The following ZNF74 variants were observed in gnomAD, a reference collection of about 807,000 sequenced individuals.
ZNF74 encodes the protein zinc finger protein 74, also known as zinc finger protein 520.
In ZNF74, 12 loss-of-function variants were observed where a neutral mutation model predicts 17.7. The observed-to-expected ratio is 0.68, with a 90% CI of 0.43 to 1.10. The LOEUF is 1.10. Ranked by LOEUF, ZNF74 falls within the 50% of genes least tolerant of loss-of-function variation. ZNF74 has a pLI of 0.00. For synonymous variants in ZNF74, 358 were observed against 362.1 expected (o/e 0.99, Z 0.13); for missense variants, 811 against 881.0 (o/e 0.92, Z 1.01).
At chr22:20,403,395 C>T (rs1012103644) in intron 4 of ZNF74, among the ~76,000 whole-genome samples, 2 of 151,664 alleles carry the variant, frequency 1.3e-5, no homozygotes, top group Non-Finnish European at 2.9e-5. Context: ...TCATCCTCTC[C>T]CCCATTTCCT....
At position 20,401,954 on chromosome 22, in the gene ZNF74, C is replaced by T. The variant is rs1423024443; in HGVS notation, c.343+582C>T. On this transcript the variant is annotated intron_variant, in intron 4 of 4. Transcript: ENST00000400451. The surrounding 1 kb of genome is among the most constrained non-coding windows in gnomAD (Gnocchi z 4.2). ...GGCTTCCAGGCTGTGGCCAAGATGG[C>T]AGCCCTCCGTAAGGGAAAGGGGACT... Among the ~76,000 whole-genome samples, 5 of 152,154 alleles carry T rather than the reference C, an allele frequency of 3.3e-5. No homozygotes were observed. In the East Asian group the frequency reaches 9.6e-4, roughly 29 times the overall value.
chr22:20,402,801 C>CA (rs361884), intron 4 of ZNF74, among the ~76,000 whole-genome samples: 35,168 of 107,260 alleles, frequency 0.33, 6,212 homozygotes, highest in Non-Finnish European at 0.43. Flanking sequence ...AATTCCATCT[C>CA]AAAAAAAAAA....
rs2052362003 is a variant in ZNF74, at chr22:20,401,854, ATCAGCGTCAGGG to A, written c.343+487_343+498del. On this transcript the variant is annotated intron_variant, in intron 4 of 4. Coordinates refer to ENST00000400451, the MANE Select transcript of ZNF74 (RefSeq NM_003426.4). This position sits in a 1 kb window ranked among gnomAD's most constrained non-coding sequence, Gnocchi z 4.2. ...TGTGAGCATCAGTGTCAGGGCCATC[ATCAGCGTCAGGG>A]TCAGAGTCAGCATCAGCATTAGGGT... Among the ~76,000 whole-genome samples the A allele has an allele frequency of 6.6e-6, 1 of 151,852 alleles. No homozygotes were observed. The highest frequency in any genetic ancestry group is 1.5e-5 in the Non-Finnish European group (1 of 67,976).
intron 2 of ZNF74, 31 bp downstream of exon 2, chr22:20,395,449 G>A (rs2052282243): frequency 6.4e-7 from 1 of 1,550,520 alleles, no homozygotes; most frequent in Non-Finnish European, 8.9e-7. Context: ...CCTTCTTTAT[G>A]AAGAGGGTTG....
rs2052440021 is a variant in ZNF74 at position 20,406,976 on chromosome 22, T to C, written c.*8T>C. ...AGCAAACCTCGAAACTAACATGATG[T>C]GCTTTGGTGTCAGTAGCTGCTTTCT... On this transcript the variant is annotated 3_prime_UTR_variant, in exon 5 of 5. Coordinates refer to ENST00000400451, the MANE Select transcript of ZNF74 (RefSeq NM_003426.4). The C allele has an allele frequency of 6.2e-7, 1 of 1,603,812 alleles. No individual in the cohort carries two copies. The highest frequency in any genetic ancestry group is 1.3e-5 in the African/African-American group (1 of 74,794).
At chr22:20,397,029 A>G (rs2052302127) in intron 2 of ZNF74, among the ~76,000 whole-genome samples, 1 of 152,018 alleles carries the variant, frequency 6.6e-6, no homozygotes, top group South Asian at 2.1e-4. Flanking sequence ...CTCACTGGCC[A>G]ACACCATATT....
chr22:20,406,685 C>G lies in ZNF74; in HGVS notation c.1652C>G (p.Ser551Cys), dbSNP rs758649219. The G allele has an allele frequency of 1.5e-5, 24 of 1,614,086 alleles. No homozygotes were observed. Among genetic ancestry groups the G allele is most frequent in the Middle Eastern group, 3.3e-4 (2 of 6,084 alleles). ...CTCATTAAACATCAGAAAATCCACTCCGGGGAGAAGTCGTTTAAGTGTGAG... is the reference window on the plus strand; with the variant it reads ...CTCATTAAACATCAGAAAATCCACTGCGGGGAGAAGTCGTTTAAGTGTGAG... Reference protein sequence around the residue: ...HCLIKHQKIHSGEKSFKCEKC... With the variant: ...HCLIKHQKIHCGEKSFKCEKC... Residue 551 changes from serine to cysteine, a missense_variant, in exon 5 of 5, where the codon TCC becomes TGC. By Grantham distance (112) the Ser-to-Cys change is moderately radical. Around this residue, in one of 3 missense-constraint regions of ZNF74, gnomAD observed 115 missense variants for 119.5 expected, o/e 0.96. Coordinates refer to ENST00000400451, the MANE Select transcript of ZNF74 (RefSeq NM_003426.4).
rs754184606 is a variant in ZNF74, at chr22:20,406,498, G to A, written c.1465G>A (p.Val489Met). ...KAFSSHAYLIVHRRIHTGEKP... is the reference protein window; with the variant it reads ...KAFSSHAYLIMHRRIHTGEKP... ...CTTCAGCTCCCACGCCTACCTCATC[G>A]TGCACCGGCGCATCCACACAGGCGA... is the stretch of plus-strand genomic sequence containing the variant. Residue 489 changes from valine to methionine, a missense_variant, in exon 5 of 5, where the codon GTG (valine) becomes ATG (methionine). Val to Met is a conservative substitution (Grantham distance 21). This residue lies in a region of ZNF74 where 666 missense variants were observed against 702.3 expected (regional missense o/e 0.95). Coordinates refer to ENST00000400451, the MANE Select transcript of ZNF74 (RefSeq NM_003426.4). 1 of 1,611,278 alleles carries A rather than the reference G, an allele frequency of 6.2e-7. No homozygotes were observed. Among genetic ancestry groups the A allele is most frequent in the Non-Finnish European group, 8.5e-7 (1 of 1,179,316 alleles).
chr22:20,397,445 G>A (rs1223581747), intron 2 of ZNF74, among the ~76,000 whole-genome samples: 3 of 152,164 alleles, frequency 2.0e-5, no homozygotes, highest in Admixed American at 6.5e-5. Flanking sequence ...AATTTGATGA[G>A]GTTGAGCAAA....
intron 2 of ZNF74, chr22:20,399,501 C>T: frequency 3.5e-6 from 1 of 282,808 alleles, no homozygotes; most frequent in South Asian, 2.9e-5. Flanking sequence ...TGACAATCTC[C>T]ACCTTTTAAT....
intron 2 of ZNF74, among the ~76,000 whole-genome samples, chr22:20,396,481 G>A (rs1385581161): frequency 1.3e-5 from 2 of 151,962 alleles, no homozygotes; most frequent in African/African-American, 2.4e-5. Flanking sequence ...CTGTGATTAT[G>A]TAAGAGAATA....
In ZNF74 at chr22:20,405,479, G is replaced by T. The variant is rs370353600; in HGVS notation, c.446G>T (p.Trp149Leu). The T allele has an allele frequency of 2.4e-5, 39 of 1,608,924 alleles. No individual in the cohort carries two copies. The highest frequency in any genetic ancestry group is 3.1e-5 in the Non-Finnish European group (37 of 1,178,502). Residue 149 changes from tryptophan (W) to leucine (L), a missense_variant, in exon 5 of 5, where the codon TGG becomes TTG. By Grantham distance (61) the Trp-to-Leu change is moderately conservative (BLOSUM62 -2). Transcript: ENST00000400451. ...CGGCCCCTCGGCGGGGCGCAGGCGT[G>T]GGGGCGCCAGGCAGGTGCTCTGCAG... Reference protein sequence around the residue: ...MERPLGGAQAWGRQAGALQRS... With the variant: ...MERPLGGAQALGRQAGALQRS...
At chr22:20,394,810 T>C (rs1194396778) in intron 1 of ZNF74, 148 bp downstream of exon 1, 1 of 735,488 alleles carries the variant, frequency 1.4e-6, no homozygotes, top group Non-Finnish European at 2.2e-6. Flanking sequence ...CAGGCGGGAG[T>C]GGTGCAATGG....
At position 20,405,779 on chromosome 22, in the gene ZNF74, T is replaced by C. The variant is rs751806711; in HGVS notation, c.746T>C (p.Val249Ala). 1.9e-6 allele frequency: 3 copies of C among 1,610,432 alleles called. No homozygotes were observed. Among genetic ancestry groups the C allele is most frequent in the Non-Finnish European group, 2.5e-6 (3 of 1,178,812 alleles). Residue 249 changes from valine to alanine, a missense_variant, in exon 5 of 5, where the codon GTG becomes GCG. Val to Ala is a moderately conservative substitution (Grantham distance 64). Coordinates refer to ENST00000400451, the MANE Select transcript of ZNF74 (RefSeq NM_003426.4). ...GCGGGCGCCGGGGAGGGCGAGTTCGTGTGCGGCGAGTGCGGGAAGGCGTTC... is the reference window on the plus strand; with the variant it reads ...GCGGGCGCCGGGGAGGGCGAGTTCGCGTGCGGCGAGTGCGGGAAGGCGTTC... Reference protein sequence around the residue: ...RGAGAGEGEFVCGECGKAFRQ... With the variant: ...RGAGAGEGEFACGECGKAFRQ...
chr22:20,394,644 C>G lies in ZNF74; in HGVS notation c.16C>G (p.Pro6Ala). ...CGTGGAGGCCATGGAGATCCCTGCCCCGGAGCCCGAGAAGACAGGTACAGC... is the reference window on the plus strand; with the variant it reads ...CGTGGAGGCCATGGAGATCCCTGCCGCGGAGCCCGAGAAGACAGGTACAGC... MEIPA[P>A]EPEKTALSSQ... The change falls in exon 1 of 5, where the codon CCG becomes GCG. Residue 6 changes from proline (P) to alanine (A), a missense_variant. By Grantham distance (27) the Pro-to-Ala change is conservative. Transcript: ENST00000400451. 3 of 1,614,176 alleles carry G rather than the reference C, an allele frequency of 1.9e-6. No individual in the cohort carries two copies. The highest frequency in any genetic ancestry group is 2.5e-6 in the Non-Finnish European group (3 of 1,180,022).
At chr22:20,398,929 T>A (rs1277507439) in intron 2 of ZNF74, among the ~76,000 whole-genome samples, 1 of 152,180 alleles carries the variant, frequency 6.6e-6, no homozygotes, top group Non-Finnish European at 1.5e-5. Context: ...TTCAGCCATA[T>A]GTTATTTCAG....
intron 2 of ZNF74, chr22:20,399,685 C>G (rs2052336094): frequency 3.6e-6 from 1 of 279,330 alleles, no homozygotes; most frequent in Non-Finnish European, 7.0e-6. Flanking sequence ...ATTCTCCTGA[C>G]CTCAGGTGAT....
At position 20,406,186 on chromosome 22, in the gene ZNF74, G is replaced by T; in HGVS notation, c.1153G>T (p.Glu385Ter). 1 of 1,613,730 alleles carries T rather than the reference G, an allele frequency of 6.2e-7. No individual in the cohort carries two copies. Among genetic ancestry groups the T allele is most frequent in the Admixed American group, 1.7e-5 (1 of 60,020 alleles). The change falls in exon 5 of 5, where the codon GAG becomes TAG. Residue 385 changes from glutamate to a stop codon, truncating the protein, a stop_gained. Coordinates refer to ENST00000400451, the MANE Select transcript of ZNF74 (RefSeq NM_003426.4). LOFTEE classifies it low-confidence loss of function (END_TRUNC). ...ACGCCACCACCGCATCCACACGGGC[G>T]AGAAGCCCTACCAGTGCGGCTCCTG... The part of the protein sequence containing the change: ...LTRHHRIHTG[E>*]KPYQCGSCGK...
At chr22:20,396,925 A>G (rs560521929) in intron 2 of ZNF74, among the ~76,000 whole-genome samples, 6 of 152,284 alleles carry the variant, frequency 3.9e-5, no homozygotes, top group African/African-American at 1.4e-4. Flanking sequence ...CAGTGGCCAG[A>G]AATACCCATC....
Sources: gnomAD v4.1 joint callset for allele counts (sites outside exome capture counted in the v4.1 genomes callset) on GRCh38, gnomAD v4.1.1 for gene constraint, gnomAD v4.1.1 regional missense constraint, Gnocchi (gnomAD v3.1) non-coding constraint, MANE v1.5 for transcripts, NCBI Gene and HGNC (gene_info 2026-07-23, HGNC 2026-07-21) for gene names.